The following EDNRA variants were observed in gnomAD, a reference collection of about 807,000 sequenced individuals.
EDNRA encodes endothelin-1 receptor.
In EDNRA, 11 loss-of-function variants were observed where a neutral mutation model predicts 41.4. That is an observed-to-expected ratio of 0.27 (90% CI 0.17 to 0.44). The LOEUF (loss-of-function observed/expected upper bound fraction) is 0.44. Among genes scored for constraint, EDNRA ranks in the 20% least tolerant of loss-of-function variants. The pLI, the probability that EDNRA is intolerant of heterozygous loss-of-function variation, is 1.00. For missense variants in EDNRA, 294 were observed against 531.0 expected, an observed-to-expected ratio of 0.55 and a Z score of 4.39; for synonymous variants, 172 against 183.0, an observed-to-expected ratio of 0.94 and a Z score of 0.49.
Position 147,507,012 on chromosome 4 carries a change from G to A in EDNRA, c.421-12839G>A, listed in dbSNP as rs1474302298. On this transcript the variant is annotated intron_variant, in intron 2 of 7. Transcript: ENST00000651419. ...ATTCACAATGGGAATAAGGGTTGGA[G>A]GATTAAGAGGATTTCTCTTAAATAT... is the stretch of plus-strand genomic sequence containing the variant. Among the ~76,000 whole-genome samples, 3 of 152,200 alleles carry A rather than the reference G, an allele frequency of 2.0e-5. No individual in the cohort carries two copies. The East Asian group carries it at 5.8e-4, about 29-fold the overall frequency.
chr4:147,522,705 T>C (rs1461760182), intron 3 of EDNRA, among the ~76,000 whole-genome samples: 2 of 152,204 alleles, frequency 1.3e-5, no homozygotes, highest in South Asian at 2.1e-4. Flanking sequence ...TTAACCACTA[T>C]ACTCAAGCAT....
chr4:147,499,134 C>CT (rs1729420318), intron 2 of EDNRA, among the ~76,000 whole-genome samples: 3 of 152,206 alleles, frequency 2.0e-5, no homozygotes, highest in Admixed American at 2.0e-4. Flanking sequence ...CAGCTCCCTG[C>CT]TGCCTTAAGC....
intron 4 of EDNRA, among the ~76,000 whole-genome samples, chr4:147,533,798 A>G (rs1047481497): frequency 1.3e-5 from 2 of 152,180 alleles, no homozygotes; most frequent in South Asian, 4.1e-4. Context: ...GAGCTTACTA[A>G]TCCTTACAGC....
chr4:147,514,237 G>A (rs1318250871), intron 2 of EDNRA, among the ~76,000 whole-genome samples: 2 of 152,140 alleles, frequency 1.3e-5, no homozygotes, highest in South Asian at 2.1e-4. Flanking sequence ...AGGTCACACA[G>A]TTAGCAACAG....
chr4:147,501,346 T>G (rs576175459), intron 2 of EDNRA, among the ~76,000 whole-genome samples: 2 of 152,362 alleles, frequency 1.3e-5, no homozygotes, highest in South Asian at 4.1e-4. Context: ...CCCACACTAG[T>G]AGGAGGTACA....
At chr4:147,534,537 T>C (rs1298831281) in intron 4 of EDNRA, among the ~76,000 whole-genome samples, 1 of 152,204 alleles carries the variant, frequency 6.6e-6, no homozygotes, top group Non-Finnish European at 1.5e-5. Context: ...ATCACCATAG[T>C]GTTTACCAGT....
rs372060760 is a variant in EDNRA at position 147,484,191 on chromosome 4, G to C, written c.-70-1421G>C. ...GGATGAGCTATTTTTAATTATCTTT[G>C]ATTATTCCTTATTAAGGTCTCCTAG... On this transcript the variant is annotated intron_variant, in intron 1 of 7. Transcript: ENST00000651419. 6.2e-4 allele frequency among the ~76,000 whole-genome samples: 95 copies of C among 152,120 alleles called. 1 individual carries two copies. Among genetic ancestry groups the C allele is most frequent in the African/African-American group, 2.0e-3 (82 of 41,494 alleles).
At chr4:147,522,647 GGCTACTAAGT>G (rs1479622349) in intron 3 of EDNRA, among the ~76,000 whole-genome samples, 1 of 152,148 alleles carries the variant, frequency 6.6e-6, no homozygotes, top group Non-Finnish European at 1.5e-5. Context: ...AAGTCAGCAT[GGCTACTAAGT>G]GCTGGAGCCA....
At chr4:147,537,982 G>A (rs1460679751) in intron 5 of EDNRA, among the ~76,000 whole-genome samples, 2 of 152,142 alleles carry the variant, frequency 1.3e-5, no homozygotes, top group African/African-American at 4.8e-5. Context: ...TTCTTGCTTG[G>A]TTGTCTCTAA....
intron 5 of EDNRA, 109 bp downstream of exon 5, chr4:147,536,138 A>C: frequency 7.8e-7 from 1 of 1,288,550 alleles, no homozygotes; most frequent in South Asian, 1.4e-5. Flanking sequence ...CTAAAATAAA[A>C]ATACTATCCT....
chr4:147,501,553 C>A (rs1418850258), intron 2 of EDNRA, among the ~76,000 whole-genome samples: 2 of 152,196 alleles, frequency 1.3e-5, no homozygotes, highest in Non-Finnish European at 2.9e-5. Context: ...TTAAAAGATT[C>A]TTCTGTATCT....
intron 1 of EDNRA, among the ~76,000 whole-genome samples, chr4:147,484,997 A>G (rs1728894119): frequency 6.6e-6 from 1 of 152,242 alleles, no homozygotes; most frequent in South Asian, 2.1e-4. Context: ...GCAAGACAGC[A>G]CACATTTTAG....
intron 2 of EDNRA, chr4:147,491,624 A>G (rs1729140885): frequency 6.6e-6 from 1 of 152,182 alleles, no homozygotes; most frequent in African/African-American, 2.4e-5. Flanking sequence ...CTTCATTTAT[A>G]GACAAGGCAG....
At chr4:147,532,163 A>T (rs1290841097) in intron 3 of EDNRA, among the ~76,000 whole-genome samples, 1 of 147,548 alleles carries the variant, frequency 6.8e-6, no homozygotes, top group Non-Finnish European at 1.5e-5. Flanking sequence ...AAAAAAAAAA[A>T]AAAATACAAA....
intron 2 of EDNRA, chr4:147,506,295 C>A: frequency 2.2e-6 from 1 of 459,774 alleles, no homozygotes; most frequent in South Asian, 1.7e-5. Flanking sequence ...TATTGGAGGC[C>A]ATATATGAAC....
intron 2 of EDNRA, among the ~76,000 whole-genome samples, chr4:147,510,584 T>C (rs1167003918): frequency 6.6e-6 from 1 of 152,214 alleles, no homozygotes; most frequent in South Asian, 2.1e-4. Flanking sequence ...TGATATTTTT[T>C]CTACATTTTA....
At chr4:147,492,729 A>G (rs1283547447) in intron 2 of EDNRA, 1 of 151,594 alleles carries the variant, frequency 6.6e-6, no homozygotes, top group East Asian at 1.9e-4. Flanking sequence ...TGATATATGT[A>G]CATTGCAAAA....
At chr4:147,501,726 G>A (rs551277539) in intron 2 of EDNRA, among the ~76,000 whole-genome samples, 2 of 152,274 alleles carry the variant, frequency 1.3e-5, no homozygotes, top group East Asian at 3.9e-4. Flanking sequence ...TTTTTAAATA[G>A]TTTCATAGTA....
At chr4:147,536,622 A>G (rs1296499206) in intron 5 of EDNRA, among the ~76,000 whole-genome samples, 1 of 152,218 alleles carries the variant, frequency 6.6e-6, no homozygotes, top group Non-Finnish European at 1.5e-5. Context: ...AATAGGAACC[A>G]TGCATTTGGG....
Sources: allele counts gnomAD v4.1 joint callset (sites outside exome capture counted in the v4.1 genomes callset), GRCh38; gene constraint gnomAD v4.1.1; transcripts MANE v1.5; gene names NCBI Gene and HGNC (gene_info 2026-07-23, HGNC 2026-07-21).